The following ROBO2 variants were observed in gnomAD, a reference collection of about 807,000 sequenced individuals.
The protein encoded by ROBO2 is roundabout guidance receptor 2.
ROBO2 carries 53 observed loss-of-function variants against 160.8 expected under a neutral mutation model. The observed-to-expected ratio is 0.33, with a 90% CI of 0.26 to 0.41. The LOEUF (loss-of-function observed/expected upper bound fraction) is 0.41, where lower values mean the gene tolerates loss of function less well. ROBO2 is among the 10% of genes least tolerant of loss of function. The pLI, the probability that ROBO2 is intolerant of heterozygous loss-of-function variation, is 1.00. For synonymous variants in ROBO2, 664 were observed against 611.7 expected (o/e 1.09, Z -1.26); for missense variants, 1,577 against 1,722.4 (o/e 0.92, Z 1.49).
rs573474941 is a variant in ROBO2, at chr3:76,490,208, T to C, written c.109+552606T>C. On this transcript the variant is annotated intron_variant, in intron 2 of 26. Coordinates refer to the ROBO2 transcript ENST00000487694. ...TATTTTCTCAGAGCTAAAGGATGGATCCCCATCACTAAAGTTAAAGAAAAT... is the reference window on the plus strand; with the variant it reads ...TATTTTCTCAGAGCTAAAGGATGGACCCCCATCACTAAAGTTAAAGAAAAT... Among the ~76,000 whole-genome samples, 6 of 152,278 alleles carry C rather than the reference T, an allele frequency of 3.9e-5. No homozygotes were observed. The South Asian group carries it at 6.2e-4, about 16-fold the overall frequency.
intron 1 of ROBO2, among the ~76,000 whole-genome samples, chr3:75,923,516 C>T (rs546614824): frequency 6.6e-6 from 1 of 152,298 alleles, no homozygotes; most frequent in African/African-American, 2.4e-5. Context: ...GATGTCACCA[C>T]TGCATACTAA....
intron 1 of ROBO2, among the ~76,000 whole-genome samples, chr3:77,054,928 ATGTGTGTG>A (rs574557375): frequency 1.8e-5 from 2 of 113,220 alleles, no homozygotes; most frequent in East Asian, 2.1e-4. Flanking sequence ...TCTCGCGTGT[ATGTGTGTG>A]TGTGTGTGTG....
At chr3:76,003,384 T>A (rs2065941248) in intron 2 of ROBO2, among the ~76,000 whole-genome samples, 1 of 152,198 alleles carries the variant, frequency 6.6e-6, no homozygotes, top group South Asian at 2.1e-4. Context: ...GCCCCAATGT[T>A]TTTTAAACAT....
chr3:76,453,559 A>G (rs1007765001), intron 2 of ROBO2, among the ~76,000 whole-genome samples: 6 of 152,164 alleles, frequency 3.9e-5, no homozygotes, highest in Non-Finnish European at 8.8e-5. Context: ...TACCAGTACC[A>G]TGCTGTTTTG....
intron 2 of ROBO2, among the ~76,000 whole-genome samples, chr3:77,124,429 C>G (rs775514429): frequency 6.6e-6 from 1 of 152,030 alleles, no homozygotes; most frequent in Non-Finnish European, 1.5e-5. Context: ...TCATGAGGAG[C>G]CTGGGTTAGG....
intron 2 of ROBO2, among the ~76,000 whole-genome samples, chr3:76,010,311 G>A (rs1208446037): frequency 6.6e-6 from 1 of 152,192 alleles, no homozygotes; most frequent in Non-Finnish European, 1.5e-5. Context: ...TGTATATGCA[G>A]CAATAGTGGT....
At chr3:76,298,789 T>C (rs2107731816) in intron 2 of ROBO2, among the ~76,000 whole-genome samples, 1 of 152,322 alleles carries the variant, frequency 6.6e-6, no homozygotes, top group South Asian at 2.1e-4. Flanking sequence ...TGTATGTCTA[T>C]CATGCAAATT....
At chr3:77,436,616 A>T (rs1159834532) in intron 2 of ROBO2, among the ~76,000 whole-genome samples, 1 of 151,902 alleles carries the variant, frequency 6.6e-6, no homozygotes, top group Non-Finnish European at 1.5e-5. Flanking sequence ...GAATATGGTC[A>T]GATGTGACCT....
At chr3:77,001,923 G>T (rs1440035888) in intron 2 of ROBO2, among the ~76,000 whole-genome samples, 1 of 152,082 alleles carries the variant, frequency 6.6e-6, no homozygotes, top group African/African-American at 2.4e-5. Flanking sequence ...ACTATTCACT[G>T]ATTTTCACAA....
At chr3:77,190,010 C>T (rs751563093) in intron 2 of ROBO2, among the ~76,000 whole-genome samples, 12 of 151,836 alleles carry the variant, frequency 7.9e-5, no homozygotes, top group Admixed American at 7.2e-4. Flanking sequence ...CACTCTTGTC[C>T]GTGATCTTTA....
At chr3:77,294,553 A>C (rs2061794293) in intron 2 of ROBO2, among the ~76,000 whole-genome samples, 2 of 147,202 alleles carry the variant, frequency 1.4e-5, no homozygotes, top group Non-Finnish European at 3.0e-5. Context: ...ATCCCTAAAG[A>C]CATAAAGTAA....
intron 2 of ROBO2, among the ~76,000 whole-genome samples, chr3:75,952,084 G>A (rs1199375459): frequency 2.0e-5 from 3 of 151,976 alleles, no homozygotes; most frequent in African/African-American, 4.8e-5. Context: ...TACATTTTCA[G>A]AATGTAGCAC....
intron 2 of ROBO2, among the ~76,000 whole-genome samples, chr3:75,977,637 A>G (rs1267825250): frequency 1.3e-5 from 2 of 151,516 alleles, no homozygotes; most frequent in African/African-American, 2.4e-5. Context: ...TGCTAGTTGC[A>G]ATTTAACTAG....
At chr3:76,487,729 G>A (rs1432543171) in intron 2 of ROBO2, among the ~76,000 whole-genome samples, 1 of 152,160 alleles carries the variant, frequency 6.6e-6, no homozygotes, top group Non-Finnish European at 1.5e-5. Context: ...ATCTCCACTG[G>A]TGAAAGATCT....
intron 2 of ROBO2, among the ~76,000 whole-genome samples, chr3:76,012,571 T>C (rs1350557025): frequency 6.6e-6 from 1 of 152,194 alleles, no homozygotes; most frequent in African/African-American, 2.4e-5. Flanking sequence ...GATTTTGCTC[T>C]ATCATCATGG....
chr3:77,553,029 T>C (rs1038708733), intron 8 of ROBO2, among the ~76,000 whole-genome samples: 6 of 151,990 alleles, frequency 3.9e-5, no homozygotes, highest in Non-Finnish European at 8.8e-5. Context: ...TTTGTTGTAC[T>C]TTGCAGATAC....
At chr3:76,309,452 AT>A (rs539811526) in intron 2 of ROBO2, among the ~76,000 whole-genome samples, 1 of 151,882 alleles carries the variant, frequency 6.6e-6, no homozygotes, top group Non-Finnish European at 1.5e-5. Context: ...TATTCCATTA[AT>A]TTTTTTTGAC....
intron 2 of ROBO2, among the ~76,000 whole-genome samples, chr3:76,719,496 G>T (rs1294163622): frequency 6.6e-6 from 1 of 151,950 alleles, no homozygotes; most frequent in Non-Finnish European, 1.5e-5. Context: ...CCACCACACT[G>T]GCTGACCCCT....
chr3:76,298,343 T>A (rs6809968), intron 2 of ROBO2, among the ~76,000 whole-genome samples: 116,690 of 151,934 alleles, frequency 0.77, 47,763 homozygotes, highest in Non-Finnish European at 0.93. Context: ...CGAGTTTGGA[T>A]CCAATATAGA....
Sources: gnomAD v4.1 joint callset for allele counts (sites outside exome capture counted in the v4.1 genomes callset) on GRCh38, gnomAD v4.1.1 for gene constraint, MANE v1.5 for transcripts, NCBI Gene and HGNC (gene_info 2026-07-23, HGNC 2026-07-21) for gene names.